RBFOX1: variants seen among roughly 807,000 people sequenced by gnomAD.
The protein encoded by RBFOX1 is RNA binding fox-1 homolog 1.
In RBFOX1, 8 loss-of-function variants were observed where a neutral mutation model predicts 57.7. That is an observed-to-expected ratio of 0.14 (90% CI 0.08 to 0.25). The LOEUF is 0.25. Ranked by LOEUF, RBFOX1 falls within the 10% of genes least tolerant of loss-of-function variation. The probability of loss-of-function intolerance (pLI) is 1.00; values close to 1 mark genes in which losing one functional copy is unlikely to be tolerated. For synonymous variants in RBFOX1, 326 were observed against 222.4 expected (o/e 1.47, Z -4.15); for missense variants, 611 against 548.5 (o/e 1.11, Z -1.14).
chr16:6,722,648 G>T (rs1030440436), intron 3 of RBFOX1, among the ~76,000 whole-genome samples: 2 of 152,148 alleles, frequency 1.3e-5, no homozygotes, highest in Non-Finnish European at 1.5e-5. Flanking sequence ...TATCCAACTG[G>T]AAACCATTTA....
At chr16:7,139,218 G>GTT (rs1438689205) in intron 4 of RBFOX1, among the ~76,000 whole-genome samples, 5 of 151,352 alleles carry the variant, frequency 3.3e-5, no homozygotes, top group African/African-American at 1.2e-4. Flanking sequence ...GTTTGTGTGT[G>GTT]TGTGTGTCTG....
chr16:6,807,753 T>C (rs1031663861), intron 3 of RBFOX1, among the ~76,000 whole-genome samples: 1 of 151,858 alleles, frequency 6.6e-6, no homozygotes, highest in Non-Finnish European at 1.5e-5. Flanking sequence ...GAGATGGAGG[T>C]TGTAGTGAGC....
intron 2 of RBFOX1, among the ~76,000 whole-genome samples, chr16:6,504,001 C>A (rs1315388986): frequency 2.6e-5 from 4 of 152,154 alleles, no homozygotes; most frequent in Non-Finnish European, 5.9e-5. Flanking sequence ...TTAAGAGCAG[C>A]CTTCTATTTG....
intron 14 of RBFOX1, 107 bp downstream of exon 14, chr16:7,676,945 G>A: frequency 7.0e-6 from 8 of 1,148,250 alleles, no homozygotes; most frequent in South Asian, 1.3e-5. Flanking sequence ...TGCTGGGGGA[G>A]GTAGCACCCC....
rs539333380 is a variant in RBFOX1, at chr16:7,632,859, A to T, written c.757+2176A>T. 5.3e-5 allele frequency among the ~76,000 whole-genome samples: 8 copies of T among 152,310 alleles called. No homozygotes were observed. The East Asian group carries it at 1.5e-3, about 29-fold the overall frequency. The stretch of plus-strand genomic sequence containing the variant: ...GTATGGCTCTATATGATGATATGAC[A>T]TATCTATATTTCAATTTTCTTTACA... On this transcript the variant is annotated intron_variant, in intron 11 of 15. Transcript: ENST00000550418.
chr16:6,054,665 GA>G (rs1376270820), intron 1 of RBFOX1, among the ~76,000 whole-genome samples: 1 of 152,176 alleles, frequency 6.6e-6, no homozygotes, highest in Non-Finnish European at 1.5e-5. Context: ...TCACTGTAAT[GA>G]AAATCCTTCT....
intron 4 of RBFOX1, among the ~76,000 whole-genome samples, chr16:5,964,564 TA>T (rs773366775): frequency 1.4e-4 from 21 of 152,170 alleles, no homozygotes; most frequent in Non-Finnish European, 2.5e-4. Context: ...TATATGTGTA[TA>T]TATGTATCTA....
chr16:6,926,009 C>G (rs1474598577), intron 3 of RBFOX1, among the ~76,000 whole-genome samples: 1 of 152,034 alleles, frequency 6.6e-6, no homozygotes, highest in African/African-American at 2.4e-5. Context: ...TGTCTATGCT[C>G]AAAAACCTCA....
chr16:6,399,466 T>G (rs1384658992), intron 2 of RBFOX1, among the ~76,000 whole-genome samples: 1 of 152,124 alleles, frequency 6.6e-6, no homozygotes, highest in Non-Finnish European at 1.5e-5. Flanking sequence ...ACAGCAAGAG[T>G]GAGCTTTGCT....
intron 3 of RBFOX1, among the ~76,000 whole-genome samples, chr16:6,866,172 G>A (rs1268674086): frequency 2.0e-5 from 3 of 151,974 alleles, no homozygotes; most frequent in Non-Finnish European, 2.9e-5. Flanking sequence ...TTATAAAACA[G>A]CTTTGCTCAC....
chr16:6,291,592 C>G (rs2077471421), intron 1 of RBFOX1, among the ~76,000 whole-genome samples: 1 of 152,158 alleles, frequency 6.6e-6, no homozygotes. Flanking sequence ...AAGCTACATA[C>G]CTCCCTCACC....
chr16:6,986,522 G>T (rs1320808769), intron 3 of RBFOX1, among the ~76,000 whole-genome samples: 19 of 152,248 alleles, frequency 1.2e-4, no homozygotes, highest in Admixed American at 1.2e-3. Context: ...GAACTCATGG[G>T]CTCAACTGAT....
intron 2 of RBFOX1, among the ~76,000 whole-genome samples, chr16:6,358,979 G>T (rs923937988): frequency 6.6e-6 from 1 of 152,182 alleles, no homozygotes. Flanking sequence ...CTCTGTCGGC[G>T]CCTATAGAAG....
chr16:6,850,675 G>A (rs1041972613), intron 3 of RBFOX1, among the ~76,000 whole-genome samples: 2 of 151,972 alleles, frequency 1.3e-5, no homozygotes, highest in Non-Finnish European at 2.9e-5. Flanking sequence ...TTTAACTTCC[G>A]TTACATATAG....
chr16:6,000,950 T>A (rs528654016), intron 4 of RBFOX1, among the ~76,000 whole-genome samples: 7 of 151,476 alleles, frequency 4.6e-5, no homozygotes, highest in Admixed American at 2.0e-4. Context: ...GATGGGTAGA[T>A]GAATGAGTGG....
intron 1 of RBFOX1, among the ~76,000 whole-genome samples, chr16:5,250,460 C>G (rs1013216000): frequency 6.6e-6 from 1 of 152,144 alleles, no homozygotes; most frequent in Non-Finnish European, 1.5e-5. Flanking sequence ...GTATGTTGTT[C>G]CCCTCTCTGT....
chr16:5,803,120 G>A (rs185294797), intron 3 of RBFOX1, among the ~76,000 whole-genome samples: 7 of 152,246 alleles, frequency 4.6e-5, no homozygotes, highest in East Asian at 1.9e-4. Flanking sequence ...ACTATAGTCA[G>A]AGGGTCTCTC....
chr16:5,477,776 G>A lies in RBFOX1; in HGVS notation c.258+10522G>A, dbSNP rs116531198. ...TTTATAGCTTTCTGATCACAGAAAA[G>A]ACCTCCTAGAAATTCGTACTTGCAA... is the stretch of plus-strand genomic sequence containing the variant. On this transcript the variant is annotated intron_variant, in intron 2 of 2. Coordinates refer to the RBFOX1 transcript ENST00000585867. Among the ~76,000 whole-genome samples, 591 of 152,216 alleles carry A rather than the reference G, an allele frequency of 3.9e-3. 5 individuals carry two copies. Among genetic ancestry groups the A allele is most frequent in the African/African-American group, 0.013 (554 of 41,542 alleles).
intron 4 of RBFOX1, among the ~76,000 whole-genome samples, chr16:7,088,274 T>A (rs2060286799): frequency 6.6e-6 from 1 of 152,196 alleles, no homozygotes; most frequent in African/African-American, 2.4e-5. Context: ...GGTATTTCAT[T>A]TAATTACCAA....
Sources: gnomAD v4.1 joint callset for allele counts (sites outside exome capture counted in the v4.1 genomes callset) on GRCh38, gnomAD v4.1.1 for gene constraint, MANE v1.5 for transcripts, NCBI Gene and HGNC (gene_info 2026-07-23, HGNC 2026-07-21) for gene names.